Variants in CPSF1 observed in about 807,000 individuals in gnomAD.
The protein encoded by CPSF1 is cleavage and polyadenylation specific factor 1, also known as cleavage and polyadenylation specificity factor subunit 1.
CPSF1 carries 106 observed loss-of-function variants against 175.8 expected under a neutral mutation model. The ratio of observed to expected loss-of-function variants is 0.60; its 90% confidence interval spans 0.52 to 0.71. The LOEUF (loss-of-function observed/expected upper bound fraction) is 0.71. Ranked by LOEUF, CPSF1 falls within the 30% of genes least tolerant of loss-of-function variation. The pLI is 0.00. For synonymous variants in CPSF1, 1,024 were observed against 858.3 expected, an observed-to-expected ratio of 1.19 and a Z score of -3.37; for missense variants, 1,734 against 2,022.9, an observed-to-expected ratio of 0.86 and a Z score of 2.74.
At chr8:144,394,091 A>G (rs1554862568) in intron 34 of CPSF1, 22 bp downstream of exon 34, 21 of 1,611,632 alleles carry the variant, frequency 1.3e-5, no homozygotes, top group Middle Eastern at 1.7e-4. Context: ...GCCCAGGCAG[A>G]GGGGGTGGAG....
In CPSF1 at chr8:144,394,559, G is replaced by GGGGCGA. The variant is rs782294991; in HGVS notation, c.3568-10_3568-5dup. On this transcript the variant is annotated splice_polypyrimidine_tract_variant and splice_region_variant and intron_variant, in intron 31 of 37. Transcript: ENST00000616140. ...CCCGCAGGCTCCACAGGAAAATCTGGGGGCGAGGGCGAGGGTGAGCGGGCG... is the reference window on the plus strand; with the variant it reads ...CCCGCAGGCTCCACAGGAAAATCTGGGGGCGAGGGCGAGGGCGAGGGTGAGCGGGCG... The GGGGCGA allele has an allele frequency of 1.4e-5, 22 of 1,608,452 alleles. No homozygotes were observed. The highest frequency in any genetic ancestry group is 8.9e-5 in the East Asian group (4 of 44,700).
In CPSF1 at chr8:144,400,191, G is replaced by A. The variant is rs2116873169; in HGVS notation, c.912C>T (p.Thr304=). 9 of 1,575,026 alleles carry A rather than the reference G, an allele frequency of 5.7e-6. No individual in the cohort carries two copies. Among genetic ancestry groups the A allele is most frequent in the African/African-American group, 1.4e-5 (1 of 70,932 alleles). The change falls in exon 9 of 38, where the codon ACC becomes ACT. Residue 304 remains threonine (T), a synonymous_variant. Coordinates refer to ENST00000616140, the MANE Select transcript of CPSF1 (RefSeq NM_013291.3). The part of the protein sequence containing the change: ...PPYGVALNSL[T]TGTTAFPLRT... ...GAAGCGGGAAAGCCGTGGTTCCTGTGGTGAGGCTGTTGAGAGCCACGCCAT... is the reference window on the plus strand; with the variant it reads ...GAAGCGGGAAAGCCGTGGTTCCTGTAGTGAGGCTGTTGAGAGCCACGCCAT...
At position 144,399,381 on chromosome 8, in the gene CPSF1, C is replaced by A. The variant is rs199793311; in HGVS notation, c.1295-8G>T. On this transcript the variant is annotated splice_polypyrimidine_tract_variant and splice_region_variant and intron_variant, in intron 13 of 37. Coordinates refer to ENST00000616140, the MANE Select transcript of CPSF1 (RefSeq NM_013291.3). This position sits in a 1 kb window ranked among gnomAD's most constrained non-coding sequence, Gnocchi z 6.4. ...GCACCGACTTACCCGCAGCTGCACACAGAGAGCCCACTTGAGCGCAGCCCT... is the reference window on the plus strand; with the variant it reads ...GCACCGACTTACCCGCAGCTGCACAAAGAGAGCCCACTTGAGCGCAGCCCT... 91 of 1,612,696 alleles carry A rather than the reference C, an allele frequency of 5.6e-5. 1 individual carries two copies. The highest frequency in any genetic ancestry group is 1.0e-5 in the Non-Finnish European group (12 of 1,179,976).
At chr8:144,403,524 C>T (rs2130778126) in intron 2 of CPSF1, among the ~76,000 whole-genome samples, 1 of 152,102 alleles carries the variant, frequency 6.6e-6, no homozygotes, top group South Asian at 2.1e-4. Flanking sequence ...GCTGGGACCA[C>T]ATGTGAGTCA....
chr8:144,396,789 C>T (rs948903638), intron 24 of CPSF1, 48 bp from the exon 25 acceptor site: 2 of 1,613,262 alleles, frequency 1.2e-6, no homozygotes, highest in Non-Finnish European at 1.7e-6. Flanking sequence ...GTCTGAAACC[C>T]ACACCTTGTA....
At position 144,396,600 on chromosome 8, in the gene CPSF1, C is replaced by T; in HGVS notation, c.2824G>A (p.Gly942Arg). ...CCCCTGCAAAGGCGCTGGCCTACCC[C>T]TGAGTAGCCATAAATATCCTCGAAG... Reference protein sequence around the residue: ...RYFEDIYGYSGVFICGPSPHW... With the variant: ...RYFEDIYGYSRVFICGPSPHW... The change falls in exon 25 of 38, where the codon GGG (glycine) becomes AGG (arginine). Residue 942 changes from glycine (G) to arginine (R), a missense_variant and splice_region_variant. Physicochemically the swap from Gly to Arg is moderately radical, Grantham distance 125 (BLOSUM62 -2). This residue lies in a region of CPSF1 where 585 missense variants were observed against 584.7 expected (regional missense o/e 1.00). Transcript: ENST00000616140. 1 of 1,612,538 alleles carries T rather than the reference C, an allele frequency of 6.2e-7. No individual in the cohort carries two copies. Among genetic ancestry groups the T allele is most frequent in the Non-Finnish European group, 8.5e-7 (1 of 1,179,334 alleles).
At chr8:144,400,135 G>GGGGCGCCCCCCCCCCCC in intron 9 of CPSF1, 31 bp downstream of exon 9, 1 of 896,010 alleles carries the variant, frequency 1.1e-6, no homozygotes, top group Non-Finnish European at 1.6e-6. Context: ...CCGTCCCCGG[G>GGGGCGCCCCCCCCCCCC]CCCCCCCCGC....
intron 9 of CPSF1, 31 bp downstream of exon 9, chr8:144,400,135 G>GGGGGGGGGCCCCCCCCCCCCC: frequency 3.3e-6 from 3 of 896,002 alleles, no homozygotes; most frequent in Non-Finnish European, 4.8e-6. Flanking sequence ...CCGTCCCCGG[G>GGGGGGGGGCCCCCCCCCCCCC]CCCCCCCCGC....
Position 144,394,617 on chromosome 8 carries a change from G to A in CPSF1, c.3567+27C>T, listed in dbSNP as rs782330005. 7 of 1,601,696 alleles carry A rather than the reference G, an allele frequency of 4.4e-6. No homozygotes were observed. The African/African-American group carries it at 6.7e-5, about 15-fold the overall frequency. ...GGAGCCGGGTGAGGGTGAGCCGGGG[G>A]ACACACGCCGGGTGGGACTGGCACA... On this transcript the variant is annotated intron_variant, in intron 31 of 37. Transcript: ENST00000616140.
In CPSF1 at chr8:144,396,373, C is replaced by T. The variant is rs370174395; in HGVS notation, c.2954G>A (p.Arg985His). ...FAPFHNVNCP[R>H]GFLYFNRQGE... ...CTGTCTGTTGAAGTACAGGAAGCCG[C>T]GGGGACAGTTGACATTGTGGAATGG... Residue 985 changes from arginine to histidine, a missense_variant, in exon 26 of 38, where the codon CGC becomes CAC. Transcript: ENST00000616140. 112 of 1,587,808 alleles carry T rather than the reference C, an allele frequency of 7.1e-5. No individual in the cohort carries two copies. Among genetic ancestry groups the T allele is most frequent in the East Asian group, 3.6e-4 (16 of 44,112 alleles).
At chr8:144,397,073 GAT>G (rs1373472093) in intron 23 of CPSF1, 132 bp downstream of exon 23, 49 of 928,452 alleles carry the variant, frequency 5.3e-5, no homozygotes, top group Non-Finnish European at 7.9e-5. Flanking sequence ...CTGTGAGGGA[GAT>G]GGGGTGGAGC....
chr8:144,403,839 C>T (rs2116896133), intron 2 of CPSF1, among the ~76,000 whole-genome samples: 3 of 151,982 alleles, frequency 2.0e-5, no homozygotes, highest in Non-Finnish European at 2.9e-5. Flanking sequence ...CATGAGCCAC[C>T]GCGCCCAACT....
Position 144,396,711 on chromosome 8 carries a change from T to G in CPSF1, c.2713A>C (p.Lys905Gln), listed in dbSNP as rs782432917. Residue 905 changes from lysine (K) to glutamine (Q), a missense_variant, in exon 25 of 38, where the codon AAG becomes CAG. Physicochemically the swap from Lys to Gln is moderately conservative, Grantham distance 53. Coordinates refer to ENST00000616140, the MANE Select transcript of CPSF1 (RefSeq NM_013291.3). ...VPHNINFREK[K>Q]PKPSKKKAEG... ...GCTTTCTTCTTGGATGGCTTTGGCTTCTTCTCACGGAAGTTGATGTTGTGA... is the reference window on the plus strand; with the variant it reads ...GCTTTCTTCTTGGATGGCTTTGGCTGCTTCTCACGGAAGTTGATGTTGTGA... 6.8e-6 allele frequency: 11 copies of G among 1,613,906 alleles called. 1 individual carries two copies. The highest frequency in any genetic ancestry group is 7.6e-6 in the Non-Finnish European group (9 of 1,179,990).
chr8:144,399,905 C>A lies in CPSF1; in HGVS notation c.1032-37G>T. The A allele has an allele frequency of 6.4e-7, 1 of 1,553,846 alleles. No individual in the cohort carries two copies. The highest frequency in any genetic ancestry group is 8.7e-7 in the Non-Finnish European group (1 of 1,145,318). On this transcript the variant is annotated intron_variant, in intron 10 of 37. Coordinates refer to ENST00000616140, the MANE Select transcript of CPSF1 (RefSeq NM_013291.3). This position sits in a 1 kb window ranked among gnomAD's most constrained non-coding sequence, Gnocchi z 6.4. ...GAGAATTCTGAGTCGGGGATGGGGA[C>A]CCTGGGGGAGTGAAGGGGGCCAGGG...
Position 144,397,433 on chromosome 8 carries a change from C to A in CPSF1, c.2386-20G>T. On this transcript the variant is annotated intron_variant, in intron 22 of 37. Coordinates refer to ENST00000616140, the MANE Select transcript of CPSF1 (RefSeq NM_013291.3). Reference sequence around the variant, plus strand: ...GTAGATCTGCAGGGTGGGCAGCAGTCAGTGGAGGCAGGTGGGTGGAACCCG... The same window carrying A: ...GTAGATCTGCAGGGTGGGCAGCAGTAAGTGGAGGCAGGTGGGTGGAACCCG... 1 of 1,578,120 alleles carries A rather than the reference C, an allele frequency of 6.3e-7. No homozygotes were observed. Among genetic ancestry groups the A allele is most frequent in the South Asian group, 1.1e-5 (1 of 87,448 alleles).
chr8:144,395,611 G>T (rs1820677195), intron 26 of CPSF1, 60 bp from the exon 27 acceptor site: 16 of 1,426,828 alleles, frequency 1.1e-5, no homozygotes, highest in Non-Finnish European at 1.6e-5. Context: ...GGGCAGGCAG[G>T]CCCAGGCCGC....
At chr8:144,406,476 C>T (rs1162495479) in intron 2 of CPSF1, among the ~76,000 whole-genome samples, 1 of 152,242 alleles carries the variant, frequency 6.6e-6, no homozygotes, top group Non-Finnish European at 1.5e-5. Flanking sequence ...CCACCTCCAG[C>T]TCTTTCATGG....
rs2116858993 is a variant in CPSF1 at position 144,399,109 on chromosome 8, C to A, written c.1467+19G>T. 1.3e-6 allele frequency: 2 copies of A among 1,551,252 alleles called. No homozygotes were observed. The highest frequency in any genetic ancestry group is 2.4e-5 in the East Asian group (1 of 41,176). ...ACACTCCAGCCCCTGCCCCCAGCCC[C>A]GACCCCAACCCTGGGCACCTCTTCA... On this transcript the variant is annotated intron_variant, in intron 15 of 37. Transcript: ENST00000616140. The surrounding 1 kb of genome is among the most constrained non-coding windows in gnomAD (Gnocchi z 6.4).
chr8:144,403,096 A>C (rs1554867880), intron 2 of CPSF1, among the ~76,000 whole-genome samples: 1 of 46,410 alleles, frequency 2.2e-5, no homozygotes, highest in East Asian at 6.5e-4. Context: ...AATAGGAGGA[A>C]AATTTTTTTT....
Sources: allele counts gnomAD v4.1 joint callset (sites outside exome capture counted in the v4.1 genomes callset), GRCh38; gene constraint gnomAD v4.1.1; regional missense constraint gnomAD v4.1.1; non-coding constraint Gnocchi (gnomAD v3.1); transcripts MANE v1.5; gene names NCBI Gene and HGNC (gene_info 2026-07-23, HGNC 2026-07-21).